Variants in STRN observed in about 807,000 individuals in gnomAD.
The protein encoded by STRN is striatin, also known as protein phosphatase 2 regulatory subunit B'''alpha.
In STRN, 53 loss-of-function variants were observed where a neutral mutation model predicts 96.3. The ratio of observed to expected loss-of-function variants is 0.55; its 90% CI spans 0.44 to 0.69. The LOEUF is 0.69. Ranked by LOEUF, STRN falls within the 30% of genes least tolerant of loss-of-function variation. STRN has a pLI of 0.00. For missense variants in STRN, 987 were observed against 963.9 expected (o/e 1.02, Z -0.32); for synonymous variants, 428 against 355.9 (o/e 1.20, Z -2.28).
chr2:36,849,214 T>G lies in STRN; in HGVS notation c.*242A>C. ...ACCACCTCAGAAATAAAGGCGCCTA[T>G]TGGGGAGAAATTTGAAACAGACCTC... On this transcript the variant is annotated 3_prime_UTR_variant, in exon 18 of 18. Coordinates refer to ENST00000263918, the MANE Select transcript of STRN (RefSeq NM_003162.4). 5 of 469,152 alleles carry G rather than the reference T, an allele frequency of 1.1e-5. No homozygotes were observed. The highest frequency in any genetic ancestry group is 3.6e-5 in the East Asian group (1 of 27,988). 29.1% of individuals were successfully genotyped at this position (469,152 alleles called of 1,614,324 possible).
chr2:36,881,605 G>A (rs1282263148), intron 9 of STRN, among the ~76,000 whole-genome samples: 1 of 152,126 alleles, frequency 6.6e-6, no homozygotes, highest in African/African-American at 2.4e-5. Flanking sequence ...CCTGCACTGA[G>A]GGGGAAGGCT....
At chr2:36,966,201 G>T in intron 1 of STRN, 29 bp downstream of exon 1, 1 of 1,519,880 alleles carries the variant, frequency 6.6e-7, no homozygotes, top group Non-Finnish European at 8.8e-7. Flanking sequence ...GAGGCGGGAT[G>T]AAGACGGCCA....
chr2:36,913,827 A>G (rs1414904104), intron 3 of STRN, among the ~76,000 whole-genome samples: 2 of 152,242 alleles, frequency 1.3e-5, no homozygotes, highest in Non-Finnish European at 2.9e-5. Context: ...AAGTATTCCC[A>G]GAGTATTTCC....
chr2:36,862,326 C>G (rs749979126), intron 12 of STRN, among the ~76,000 whole-genome samples: 1 of 152,204 alleles, frequency 6.6e-6, no homozygotes, highest in Non-Finnish European at 1.5e-5. Flanking sequence ...AATCACCAAA[C>G]TGGCTTTCCA....
intron 12 of STRN, 30 bp from the exon 13 acceptor site, chr2:36,861,283 C>G: frequency 6.2e-7 from 1 of 1,603,928 alleles, no homozygotes; most frequent in Non-Finnish European, 8.5e-7. Flanking sequence ...AAATCAACTG[C>G]TATTCTCAAA....
At chr2:36,965,118 TTTC>T (rs1665127210) in intron 1 of STRN, among the ~76,000 whole-genome samples, 1 of 152,178 alleles carries the variant, frequency 6.6e-6, no homozygotes, top group African/African-American at 2.4e-5. Flanking sequence ...TCTTCTTTTT[TTTC>T]TTAAGCGCCA....
chr2:36,915,799 G>A (rs1027388345), intron 3 of STRN, among the ~76,000 whole-genome samples: 1 of 152,138 alleles, frequency 6.6e-6, no homozygotes, highest in African/African-American at 2.4e-5. Flanking sequence ...AGCAAGACAA[G>A]GTTATGCTGG....
intron 15 of STRN, among the ~76,000 whole-genome samples, chr2:36,853,371 GA>G (rs1413699833): frequency 6.6e-6 from 1 of 152,184 alleles, no homozygotes; most frequent in Admixed American, 6.5e-5. Context: ...TACTTTAAGT[GA>G]AATATCCCAT....
chr2:36,932,705 T>A (rs942859575), intron 1 of STRN, among the ~76,000 whole-genome samples: 3 of 152,166 alleles, frequency 2.0e-5, no homozygotes, highest in African/African-American at 7.2e-5. Flanking sequence ...CGGGCTCAAG[T>A]GATCCTTCTA....
chr2:36,928,819 G>A lies in STRN; in HGVS notation c.235-3611C>T, dbSNP rs570852111. On this transcript the variant is annotated intron_variant, in intron 1 of 17. Coordinates refer to ENST00000263918, the MANE Select transcript of STRN (RefSeq NM_003162.4). ...AAAAAATTAGCCGGGCGTGGTGGCA[G>A]GTGCCTGTAATCCCAGCTACTTGGG... 1.9e-3 allele frequency among the ~76,000 whole-genome samples: 288 copies of A among 151,300 alleles called. 2 individuals carry two copies. The highest frequency in any genetic ancestry group is 6.8e-3 in the African/African-American group (279 of 41,200).
At chr2:36,949,736 G>A (rs1214629688) in intron 1 of STRN, among the ~76,000 whole-genome samples, 1 of 152,162 alleles carries the variant, frequency 6.6e-6, no homozygotes, top group East Asian at 1.9e-4. Flanking sequence ...GGTCAACTGG[G>A]TTTGGGAAAA....
chr2:36,881,397 G>C (rs1669065579), intron 9 of STRN, among the ~76,000 whole-genome samples: 1 of 151,714 alleles, frequency 6.6e-6, no homozygotes, highest in Admixed American at 6.6e-5. Context: ...CAAAGTGCTG[G>C]GATTACAGGC....
chr2:36,956,608 T>A (rs1450137249), intron 1 of STRN, among the ~76,000 whole-genome samples: 2 of 152,220 alleles, frequency 1.3e-5, no homozygotes, highest in Non-Finnish European at 2.9e-5. Flanking sequence ...GGGGACTCTA[T>A]CCAGATTATC....
At chr2:36,863,379 A>G (rs1184632758) in intron 12 of STRN, among the ~76,000 whole-genome samples, 2 of 152,302 alleles carry the variant, frequency 1.3e-5, no homozygotes, top group East Asian at 3.9e-4. Context: ...GTCCAGTTTC[A>G]ATCTTCTGCA....
Position 36,858,037 on chromosome 2 carries a change from T to G in STRN, c.1670-14A>C, listed in dbSNP as rs139094525. ...AAACAGAAGGATCTATACAAAACAG[T>G]AAAAATGCAAAATCAGGAGAAAAAC... On this transcript the variant is annotated splice_polypyrimidine_tract_variant and intron_variant, in intron 13 of 17. Transcript: ENST00000263918. 3.3e-4 allele frequency: 508 copies of G among 1,538,766 alleles called. 1 individual carries two copies. Among genetic ancestry groups the G allele is most frequent in the Non-Finnish European group, 4.0e-4 (452 of 1,137,802 alleles).
chr2:36,906,666 C>A (rs1229499455), intron 3 of STRN, among the ~76,000 whole-genome samples: 4 of 152,088 alleles, frequency 2.6e-5, no homozygotes, highest in Non-Finnish European at 4.4e-5. Flanking sequence ...TGGCTCACAC[C>A]TGTAATCCCA....
At chr2:36,867,622 T>C (rs1310993167) in intron 12 of STRN, 192 bp downstream of exon 12, 2 of 381,910 alleles carry the variant, frequency 5.2e-6, no homozygotes, top group African/African-American at 4.2e-5. Flanking sequence ...AAATAAAATC[T>C]AATTTAAGCA....
chr2:36,881,700 A>G (rs1213199889), intron 9 of STRN, among the ~76,000 whole-genome samples: 1 of 152,216 alleles, frequency 6.6e-6, no homozygotes, highest in Non-Finnish European at 1.5e-5. Flanking sequence ...TATCAAGGAC[A>G]TCTTCTGTGG....
chr2:36,881,637 T>C (rs572222504), intron 9 of STRN, among the ~76,000 whole-genome samples: 2 of 152,192 alleles, frequency 1.3e-5, no homozygotes, highest in African/African-American at 4.8e-5. Context: ...CTGCAGATAG[T>C]AAGTTAAACA....
Sources: allele counts gnomAD v4.1 joint callset (sites outside exome capture counted in the v4.1 genomes callset), GRCh38; gene constraint gnomAD v4.1.1; transcripts MANE v1.5; gene names NCBI Gene and HGNC (gene_info 2026-07-23, HGNC 2026-07-21).